EPHA6: variants seen among roughly 807,000 people sequenced by gnomAD.
EPHA6 encodes ephrin type-A receptor 6.
In EPHA6, 50 loss-of-function variants were observed where a neutral mutation model predicts 112.0. That is an observed-to-expected ratio of 0.45 (90% CI 0.36 to 0.56). EPHA6 has a LOEUF of 0.56. EPHA6 is among the 20% of genes least tolerant of loss of function. EPHA6 has a pLI of 0.00. For synonymous variants in EPHA6, 529 were observed against 490.7 expected (o/e 1.08, Z -1.03); for missense variants, 1,280 against 1,417.4 (o/e 0.90, Z 1.56).
chr3:97,128,382 C>G (rs1014768854), intron 3 of EPHA6, among the ~76,000 whole-genome samples: 5 of 152,088 alleles, frequency 3.3e-5, no homozygotes, highest in African/African-American at 1.2e-4. Flanking sequence ...AATGGGATTG[C>G]TGGGTCAAAT....
At chr3:97,688,607 G>A (rs1445701685) in intron 14 of EPHA6, among the ~76,000 whole-genome samples, 1 of 150,692 alleles carries the variant, frequency 6.6e-6, no homozygotes, top group African/African-American at 2.4e-5. Context: ...GATAGCATTA[G>A]GAGATATACC....
chr3:97,586,234 A>G (rs191395347), intron 11 of EPHA6, among the ~76,000 whole-genome samples: 1 of 152,322 alleles, frequency 6.6e-6, no homozygotes, highest in East Asian at 1.9e-4. Flanking sequence ...ATGCATCACA[A>G]TGAGGCAGTA....
intron 2 of EPHA6, among the ~76,000 whole-genome samples, chr3:96,932,012 G>A (rs542180672): frequency 6.6e-6 from 1 of 152,110 alleles, no homozygotes; most frequent in African/African-American, 2.4e-5. Flanking sequence ...GGGCTCATGA[G>A]GGGATATCCT....
intron 4 of EPHA6, among the ~76,000 whole-genome samples, chr3:97,242,371 T>C (rs575955466): frequency 3.9e-5 from 6 of 151,950 alleles, no homozygotes; most frequent in Admixed American, 3.3e-4. Flanking sequence ...TTTCTATTCC[T>C]AATATTTTTC....
intron 14 of EPHA6, among the ~76,000 whole-genome samples, chr3:97,673,624 C>CT (rs2031073413): frequency 6.6e-6 from 1 of 152,142 alleles, no homozygotes; most frequent in Admixed American, 6.5e-5. Context: ...TTGAGGACAG[C>CT]GAACAAGCTT....
chr3:97,213,472 T>C (rs1310538731), intron 3 of EPHA6, among the ~76,000 whole-genome samples: 1 of 151,900 alleles, frequency 6.6e-6, no homozygotes, highest in Admixed American at 6.6e-5. Flanking sequence ...AAAAAACGGG[T>C]GGGGAATTGC....
At chr3:97,709,495 G>T (rs1403050767) in intron 14 of EPHA6, among the ~76,000 whole-genome samples, 1 of 152,224 alleles carries the variant, frequency 6.6e-6, no homozygotes, top group Non-Finnish European at 1.5e-5. Flanking sequence ...GTTCATAGGT[G>T]GAAGGGACTT....
At chr3:97,469,034 T>G (rs2091146665) in intron 7 of EPHA6, among the ~76,000 whole-genome samples, 1 of 151,746 alleles carries the variant, frequency 6.6e-6, no homozygotes, top group Non-Finnish European at 1.5e-5. Context: ...AAACGTTTTT[T>G]AATCATGCAT....
chr3:97,732,732 T>G (rs983154780), intron 15 of EPHA6, among the ~76,000 whole-genome samples: 2 of 152,054 alleles, frequency 1.3e-5, no homozygotes, highest in African/African-American at 2.4e-5. Context: ...ATAAAGTTAT[T>G]GTGAAGATTA....
intron 3 of EPHA6, among the ~76,000 whole-genome samples, chr3:96,992,044 C>T (rs549518037): frequency 5.5e-4 from 84 of 152,162 alleles, no homozygotes; most frequent in Admixed American, 1.9e-3. Context: ...AGTATCTTGC[C>T]GCTGCACTCT....
intron 5 of EPHA6, among the ~76,000 whole-genome samples, chr3:97,279,894 GT>G (rs200191899): frequency 6.6e-6 from 1 of 151,618 alleles, no homozygotes; most frequent in South Asian, 2.1e-4. Context: ...GTTTGTTTTT[GT>G]TTTTTTTGAG....
At chr3:97,052,256 T>A (rs1237357703) in intron 3 of EPHA6, among the ~76,000 whole-genome samples, 1 of 152,048 alleles carries the variant, frequency 6.6e-6, no homozygotes, top group East Asian at 1.9e-4. Context: ...CTGTCATATG[T>A]GTTTATATTG....
intron 3 of EPHA6, among the ~76,000 whole-genome samples, chr3:97,199,070 T>C (rs987854530): frequency 1.3e-5 from 2 of 152,150 alleles, no homozygotes; most frequent in African/African-American, 4.8e-5. Context: ...AATGTACTTG[T>C]GTTGGCACAG....
At chr3:97,523,389 T>C (rs2092572347) in intron 10 of EPHA6, among the ~76,000 whole-genome samples, 1 of 152,076 alleles carries the variant, frequency 6.6e-6, no homozygotes, top group Non-Finnish European at 1.5e-5. Context: ...GGTCAGAAAA[T>C]ATACTTGATA....
At chr3:97,188,494 A>G (rs752290482) in intron 3 of EPHA6, among the ~76,000 whole-genome samples, 2 of 152,076 alleles carry the variant, frequency 1.3e-5, no homozygotes, top group Admixed American at 6.6e-5. Context: ...AAAACAAAGA[A>G]GAGGAAATGG....
At chr3:96,960,544 A>G (rs952479146) in intron 2 of EPHA6, among the ~76,000 whole-genome samples, 2 of 152,154 alleles carry the variant, frequency 1.3e-5, no homozygotes, top group Non-Finnish European at 2.9e-5. Flanking sequence ...CAATCTTCAA[A>G]TATAGTCTAC....
intron 5 of EPHA6, among the ~76,000 whole-genome samples, chr3:97,291,606 A>G (rs1201767184): frequency 1.3e-5 from 2 of 152,116 alleles, no homozygotes; most frequent in Non-Finnish European, 2.9e-5. Flanking sequence ...GTGTTCTGAA[A>G]TACGTTCTTC....
rs188991412 is a variant in EPHA6, at chr3:97,170,697, G to A, written c.1115-55567G>A. On this transcript the variant is annotated intron_variant, in intron 3 of 17. Transcript: ENST00000389672. ...GATTGCAGTGAGCTGAGATCTTACC[G>A]CTGCCCTTCCACCTGGGCGACAGAG... Among the ~76,000 whole-genome samples the A allele has an allele frequency of 4.6e-3, 700 of 151,984 alleles. 6 individuals are homozygous for A. Among genetic ancestry groups the A allele is most frequent in the African/African-American group, 0.015 (622 of 41,470 alleles).
chr3:97,585,761 A>T lies in EPHA6; in HGVS notation c.2387-6851A>T, dbSNP rs1276401986. Among the ~76,000 whole-genome samples, 534 of 152,276 alleles carry T rather than the reference A, an allele frequency of 3.5e-3. 4 individuals are homozygous for T. The highest frequency in any genetic ancestry group is 0.012 in the African/African-American group (514 of 41,514). ...AGTTACAAGAATTTAGATAATGGAC[A>T]AAGTTATGTGATTGCATCTTTGGAT... On this transcript the variant is annotated intron_variant, in intron 11 of 17. Transcript: ENST00000389672.
Sources: allele counts gnomAD v4.1 joint callset (sites outside exome capture counted in the v4.1 genomes callset), GRCh38; gene constraint gnomAD v4.1.1; transcripts MANE v1.5; gene names NCBI Gene and HGNC (gene_info 2026-07-23, HGNC 2026-07-21).